The following GNAQ variants were observed in gnomAD, a reference collection of about 807,000 sequenced individuals.
GNAQ encodes G protein subunit alpha q, also known as guanine nucleotide-binding protein G(q) subunit alpha.
GNAQ carries 8 observed loss-of-function variants against 43.9 expected under a neutral mutation model. That is an observed-to-expected ratio of 0.18 (90% CI 0.11 to 0.33). GNAQ has a LOEUF of 0.33. Among genes scored for constraint, GNAQ ranks in the 10% least tolerant of loss-of-function variants. The pLI is 1.00. For synonymous variants in GNAQ, 155 were observed against 170.7 expected, an observed-to-expected ratio of 0.91 and a Z score of 0.71; for missense variants, 158 against 450.8, an observed-to-expected ratio of 0.35 and a Z score of 5.88.
intron 6 of GNAQ, among the ~76,000 whole-genome samples, chr9:77,725,584 A>C (rs1391800567): frequency 1.3e-5 from 2 of 149,302 alleles, no homozygotes; most frequent in African/African-American, 4.9e-5. Context: ...AACAGTAAAA[A>C]AAAAAAAAAA....
chr9:77,948,322 C>A (rs1281607246), intron 1 of GNAQ, among the ~76,000 whole-genome samples: 1 of 152,154 alleles, frequency 6.6e-6, no homozygotes, highest in Non-Finnish European at 1.5e-5. Context: ...AATCTTGCTC[C>A]TCGCAGGAAC....
At chr9:77,801,789 C>G (rs138198999) in intron 3 of GNAQ, among the ~76,000 whole-genome samples, 1 of 152,266 alleles carries the variant, frequency 6.6e-6, no homozygotes, top group East Asian at 1.9e-4. Flanking sequence ...GACATACAAA[C>G]TATTTGCTCC....
At chr9:77,848,460 T>C (rs1048901782) in intron 2 of GNAQ, among the ~76,000 whole-genome samples, 1 of 152,248 alleles carries the variant, frequency 6.6e-6, no homozygotes, top group Non-Finnish European at 1.5e-5. Context: ...ACCCCATTGC[T>C]GGCATCTCTG....
chr9:77,795,445 T>C (rs1166648957), intron 4 of GNAQ, among the ~76,000 whole-genome samples: 1 of 152,144 alleles, frequency 6.6e-6, no homozygotes, highest in African/African-American at 2.4e-5. Context: ...TATACAATGT[T>C]CACAGGAAAA....
intron 2 of GNAQ, among the ~76,000 whole-genome samples, chr9:77,839,607 G>C (rs942669837): frequency 1.3e-5 from 2 of 152,244 alleles, no homozygotes; most frequent in Admixed American, 6.5e-5. Context: ...TGATAGAGCA[G>C]CAGCATGGGC....
chr9:78,026,069 T>C (rs1251879728), intron 1 of GNAQ, among the ~76,000 whole-genome samples: 1 of 152,180 alleles, frequency 6.6e-6, no homozygotes, highest in Admixed American at 6.5e-5. Flanking sequence ...GATGGTTTTC[T>C]TTTTTAATGA....
chr9:77,731,395 G>T (rs776283669), intron 5 of GNAQ, among the ~76,000 whole-genome samples: 4 of 152,204 alleles, frequency 2.6e-5, no homozygotes, highest in Non-Finnish European at 5.9e-5. Context: ...CTGCACTGGG[G>T]CTGCTCTGGA....
chr9:77,912,118 C>T (rs560909617), intron 2 of GNAQ, among the ~76,000 whole-genome samples: 16 of 152,278 alleles, frequency 1.1e-4, no homozygotes, highest in African/African-American at 3.4e-4. Context: ...AGAAAAACAA[C>T]ACTGAGTGAC....
chr9:77,870,732 C>T (rs1828025771), intron 2 of GNAQ, among the ~76,000 whole-genome samples: 1 of 151,842 alleles, frequency 6.6e-6, no homozygotes, highest in South Asian at 2.1e-4. Context: ...AAATGTCCAT[C>T]AAGAGGTGAA....
chr9:77,830,817 A>G (rs1324965214), intron 2 of GNAQ, among the ~76,000 whole-genome samples: 2 of 142,756 alleles, frequency 1.4e-5, no homozygotes, highest in African/African-American at 5.3e-5. Context: ...TGCTGTCAAA[A>G]CCACTGTTAA....
chr9:77,830,717 G>C (rs1407341178), intron 2 of GNAQ, among the ~76,000 whole-genome samples: 1 of 152,170 alleles, frequency 6.6e-6, no homozygotes, highest in Non-Finnish European at 1.5e-5. Flanking sequence ...TTTCAACAAT[G>C]AGTGTGAAAG....
chr9:77,914,640 C>A (rs1392644593), intron 2 of GNAQ, among the ~76,000 whole-genome samples: 1 of 151,194 alleles, frequency 6.6e-6, no homozygotes, highest in African/African-American at 2.4e-5. Context: ...CCAGCCTGGA[C>A]AACAAGAGCA....
chr9:77,872,341 C>CA (rs963864669), intron 2 of GNAQ, among the ~76,000 whole-genome samples: 45 of 151,654 alleles, frequency 3.0e-4, no homozygotes, highest in African/African-American at 8.5e-4. Context: ...AGCTTAGAAG[C>CA]AAAAAAAATA....
chr9:77,949,867 C>G (rs528712115), intron 1 of GNAQ, among the ~76,000 whole-genome samples: 77 of 152,262 alleles, frequency 5.1e-4, no homozygotes, highest in Non-Finnish European at 8.2e-4. Context: ...CTCCAATTCC[C>G]CCTTGAATTT....
chr9:78,006,913 T>C (rs181103007), intron 1 of GNAQ, among the ~76,000 whole-genome samples: 6 of 152,262 alleles, frequency 3.9e-5, no homozygotes, highest in East Asian at 3.9e-4. Context: ...AGGTTTAGCA[T>C]TGTGTGTGAT....
chr9:77,919,447 G>T (rs1163776536), intron 2 of GNAQ, among the ~76,000 whole-genome samples: 1 of 152,076 alleles, frequency 6.6e-6, no homozygotes, highest in Admixed American at 6.6e-5. Context: ...AGAACAGTAG[G>T]ATTACTTAGC....
chr9:77,912,885 C>T (rs1778987735), intron 2 of GNAQ, among the ~76,000 whole-genome samples: 3 of 152,148 alleles, frequency 2.0e-5, no homozygotes, highest in Admixed American at 6.5e-5. Flanking sequence ...AGGTGGTACA[C>T]CCCTGTAATC....
chr9:77,775,100 A>G (rs1378036829), intron 5 of GNAQ, among the ~76,000 whole-genome samples: 3 of 152,312 alleles, frequency 2.0e-5, no homozygotes, highest in Non-Finnish European at 4.4e-5. Context: ...AATATTAATT[A>G]TACATCTATA....
chr9:77,961,057 A>T (rs1823101396), intron 1 of GNAQ, among the ~76,000 whole-genome samples: 1 of 152,232 alleles, frequency 6.6e-6, no homozygotes. Flanking sequence ...CTTTAAAAGT[A>T]ATGTCTGGTA....
Sources: gnomAD v4.1 joint callset for allele counts (sites outside exome capture counted in the v4.1 genomes callset) on GRCh38, gnomAD v4.1.1 for gene constraint, MANE v1.5 for transcripts, NCBI Gene and HGNC (gene_info 2026-07-23, HGNC 2026-07-21) for gene names.